The following ZNF160 variants were observed in gnomAD, a reference collection of about 807,000 sequenced individuals.
The protein encoded by ZNF160 is KRAB zinc finger protein KR18.
Under a neutral mutation model 13.1 loss-of-function variants are expected in ZNF160, and 9 were observed. The ratio of observed to expected loss-of-function variants is 0.69; its 90% CI spans 0.41 to 1.20. ZNF160 has a LOEUF of 1.20. Ranked by LOEUF, ZNF160 falls within the 50% of genes most tolerant of loss-of-function variation. The probability of loss-of-function intolerance (pLI) is 0.01; values close to 1 mark genes in which losing one functional copy is unlikely to be tolerated. For missense variants in ZNF160, 838 were observed against 988.0 expected (o/e 0.85, Z 2.04); for synonymous variants, 293 against 333.2 (o/e 0.88, Z 1.31).
intron 3 of ZNF160, among the ~76,000 whole-genome samples, chr19:53,076,355 A>G (rs998574177): frequency 6.6e-6 from 1 of 152,202 alleles, no homozygotes; most frequent in Non-Finnish European, 1.5e-5. Flanking sequence ...AGAAATGATA[A>G]TGCGGCCGGG....
intron 4 of ZNF160, among the ~76,000 whole-genome samples, chr19:53,074,782 G>A (rs910486143): frequency 1.3e-5 from 2 of 151,926 alleles, no homozygotes; most frequent in African/African-American, 4.8e-5. Flanking sequence ...AAAGCAGAGA[G>A]GTAGAAAACA....
At chr19:53,095,023 C>A (rs1295783676) in intron 1 of ZNF160, among the ~76,000 whole-genome samples, 4 of 149,772 alleles carry the variant, frequency 2.7e-5, no homozygotes, top group Non-Finnish European at 5.9e-5. Context: ...CAGCCCAGGG[C>A]GACTTTTACC....
chr19:53,097,245 T>C (rs2085271422), intron 1 of ZNF160, among the ~76,000 whole-genome samples: 2 of 133,544 alleles, frequency 1.5e-5, no homozygotes, highest in African/African-American at 5.9e-5. Context: ...CGCAGGTCAG[T>C]GTGCTGTGTT....
intron 1 of ZNF160, among the ~76,000 whole-genome samples, chr19:53,100,456 A>T (rs908325051): frequency 1.3e-5 from 2 of 152,000 alleles, no homozygotes; most frequent in Non-Finnish European, 2.9e-5. Flanking sequence ...TAAAAATACA[A>T]AAAATTTGCC....
chr19:53,097,887 T>C (rs775595440), intron 1 of ZNF160, among the ~76,000 whole-genome samples: 3 of 152,116 alleles, frequency 2.0e-5, no homozygotes, highest in Non-Finnish European at 4.4e-5. Flanking sequence ...GGAGCAGCTC[T>C]GGGATCCACA....
intron 5 of ZNF160, among the ~76,000 whole-genome samples, chr19:53,070,635 C>T (rs918302118): frequency 6.6e-5 from 10 of 152,080 alleles, no homozygotes; most frequent in Non-Finnish European, 1.0e-4. Context: ...AGGATGGTCT[C>T]GATCTCTTGA....
At chr19:53,083,293 TC>T (rs1257250622) in intron 3 of ZNF160, among the ~76,000 whole-genome samples, 1 of 152,162 alleles carries the variant, frequency 6.6e-6, no homozygotes, top group African/African-American at 2.4e-5. Flanking sequence ...CCTTGGATAT[TC>T]TGGCAACTCA....
At chr19:53,092,336 A>T (rs955394566) in intron 1 of ZNF160, among the ~76,000 whole-genome samples, 2 of 151,952 alleles carry the variant, frequency 1.3e-5, no homozygotes, top group Non-Finnish European at 2.9e-5. Flanking sequence ...TTTGAGACAG[A>T]GTCTCCCTCT....
chr19:53,088,411 G>A (rs973821385), intron 2 of ZNF160, among the ~76,000 whole-genome samples: 3 of 150,786 alleles, frequency 2.0e-5, no homozygotes, highest in Admixed American at 1.3e-4. Context: ...CACGGCTCAC[G>A]CTTGTAATCC....
intron 1 of ZNF160, among the ~76,000 whole-genome samples, chr19:53,093,157 G>A (rs1171545832): frequency 3.3e-5 from 5 of 152,122 alleles, no homozygotes; most frequent in Non-Finnish European, 5.9e-5. Flanking sequence ...ATTTCTGGCC[G>A]GGCACGGTGG....
chr19:53,081,892 TAAAG>T (rs1363628654), intron 3 of ZNF160, among the ~76,000 whole-genome samples: 1 of 152,040 alleles, frequency 6.6e-6, no homozygotes, highest in Non-Finnish European at 1.5e-5. Flanking sequence ...GTGGATCGGA[TAAAG>T]AAAATATAGT....
rs558013577 is a variant in ZNF160 at position 53,072,869 on chromosome 19, C to T, written c.271+1271G>A. 16 of 753,588 alleles carry T rather than the reference C, an allele frequency of 2.1e-5. No individual in the cohort carries two copies. In the East Asian group the frequency reaches 7.7e-4, roughly 36 times the overall value. 46.7% of individuals were successfully genotyped at this position (753,588 alleles called of 1,614,324 possible). On this transcript the variant is annotated intron_variant, in intron 5 of 5. Coordinates refer to ENST00000683776, the MANE Select transcript of ZNF160 (RefSeq NM_001322131.2). ...TTCATTTAAAAAAAAAATTATTGTC[C>T]GTGGAATAATAAACAGTTTTGTCTT... is the stretch of plus-strand genomic sequence containing the variant.
chr19:53,070,328 G>A lies in ZNF160; in HGVS notation c.272-66C>T. 3 of 1,385,630 alleles carry A rather than the reference G, an allele frequency of 2.2e-6. No individual in the cohort carries two copies. In the South Asian group the frequency reaches 4.8e-5, roughly 22 times the overall value. 85.8% of individuals were successfully genotyped at this position (1,385,630 alleles called of 1,614,324 possible). A position where few individuals can be genotyped will look rare whatever the true frequency, so the allele number is the denominator to read the frequency against. On this transcript the variant is annotated intron_variant, in intron 5 of 5. Coordinates refer to ENST00000683776, the MANE Select transcript of ZNF160 (RefSeq NM_001322131.2). The stretch of plus-strand genomic sequence containing the variant: ...AGTATAGAAATAAATATTTTACATT[G>A]AAAACATATTCCACCAAAAGTAATA...
intron 1 of ZNF160, among the ~76,000 whole-genome samples, chr19:53,092,512 C>A (rs762518660): frequency 4.6e-5 from 7 of 152,122 alleles, no homozygotes; most frequent in Non-Finnish European, 1.0e-4. Flanking sequence ...CGGAGTTTCA[C>A]CACATTGGCC....
At position 53,075,137 on chromosome 19, in the gene ZNF160, T is replaced by C. The variant is rs763088267; in HGVS notation, c.62A>G (p.Glu21Gly). The change falls in exon 4 of 6, where the codon GAG (glutamate) becomes GGG (glycine). Residue 21 changes from glutamate to glycine, a missense_variant. This residue lies in a region of ZNF160 where 387 missense variants were observed against 402.3 expected (regional missense o/e 0.96). Coordinates refer to ENST00000683776, the MANE Select transcript of ZNF160 (RefSeq NM_001322131.2). ...RDVAIEFSQE[E>G]WKCLDPAQRI... ...CTGAGCAGGGTCCAGGCATTTCCACTCCTCCTGAGAGAATTCTATGGCCAC... is the reference window on the plus strand; with the variant it reads ...CTGAGCAGGGTCCAGGCATTTCCACCCCTCCTGAGAGAATTCTATGGCCAC... 1 of 1,614,126 alleles carries C rather than the reference T, an allele frequency of 6.2e-7. No individual in the cohort carries two copies. The highest frequency in any genetic ancestry group is 8.5e-7 in the Non-Finnish European group (1 of 1,180,032).
chr19:53,090,973 G>A (rs1349058892), intron 2 of ZNF160: 1 of 152,252 alleles, frequency 6.6e-6, no homozygotes, highest in African/African-American at 2.4e-5. Context: ...GTGGTTCAAT[G>A]GGAAGTGACC....
chr19:53,089,789 A>G (rs7258976), intron 2 of ZNF160, among the ~76,000 whole-genome samples: 97,423 of 150,952 alleles, frequency 0.65, 31,602 homozygotes, highest in Admixed American at 0.72. Context: ...CATTCTGTAC[A>G]TATCTCATCC....
In ZNF160 at chr19:53,082,532, T is replaced by C. The variant is rs566198460; in HGVS notation, c.15+3730A>G. On this transcript the variant is annotated intron_variant, in intron 3 of 5. Transcript: ENST00000683776. ...CTCTACAAAAAAATCAAGCTGGGCA[T>C]GGTGGTGCGTGCCTATAGTCTCAGT... 1.8e-4 allele frequency among the ~76,000 whole-genome samples: 28 copies of C among 152,114 alleles called. No homozygotes were observed. In the South Asian group the frequency reaches 5.6e-3, roughly 30 times the overall value.
In ZNF160 at chr19:53,068,808, G is replaced by A; in HGVS notation, c.1726C>T (p.Gln576Ter). ...KCNECGKVFA[Q>*]TSQLARHWRV... ...CAATGCCTTGCAAGTTGTGATGTTT[G>A]AGCGAAGACTTTACCACATTCATTA... Residue 576 changes from glutamine to a stop codon, truncating the protein, a stop_gained, in exon 6 of 6, where the codon CAA becomes TAA. Coordinates refer to ENST00000683776, the MANE Select transcript of ZNF160 (RefSeq NM_001322131.2). LOFTEE classifies it low-confidence loss of function (END_TRUNC). The A allele has an allele frequency of 6.2e-7, 1 of 1,612,654 alleles. No homozygotes were observed. The highest frequency in any genetic ancestry group is 8.5e-7 in the Non-Finnish European group (1 of 1,178,868).
Sources: allele counts gnomAD v4.1 joint callset (sites outside exome capture counted in the v4.1 genomes callset), GRCh38; gene constraint gnomAD v4.1.1; regional missense constraint gnomAD v4.1.1; transcripts MANE v1.5; gene names NCBI Gene and HGNC (gene_info 2026-07-23, HGNC 2026-07-21).